Variants in ASPSCR1 observed in about 807,000 individuals in gnomAD.
The protein encoded by ASPSCR1 is tether containing UBX domain for GLUT4.
Under a neutral mutation model 68.9 loss-of-function variants are expected in ASPSCR1, and 55 were observed. The ratio of observed to expected loss-of-function variants is 0.80; its 90% CI spans 0.64 to 1.00. The LOEUF is 1.00. Ranked by LOEUF, ASPSCR1 falls within the 50% of genes least tolerant of loss-of-function variation. The pLI, the probability that ASPSCR1 is intolerant of heterozygous loss-of-function variation, is 0.00. For synonymous variants in ASPSCR1, 352 were observed against 332.6 expected (o/e 1.06, Z -0.63); for missense variants, 765 against 762.2 (o/e 1.00, Z -0.04).
At chr17:82,014,684 T>G in intron 12 of ASPSCR1, 2 of 241,344 alleles carry the variant, frequency 8.3e-6, no homozygotes, top group Non-Finnish European at 1.6e-5. Flanking sequence ...GCTGTTCTCG[T>G]TGGAGGGGGC....
chr17:82,017,165 G>A lies in ASPSCR1; in HGVS notation c.1648+52G>A, dbSNP rs767650904. On this transcript the variant is annotated intron_variant, in intron 15 of 15. Coordinates refer to ENST00000306739, the MANE Select transcript of ASPSCR1 (RefSeq NM_024083.4). ...TGCTGTGGCCGGGTGGAGGGCGGGG[G>A]TCCGGGTGCTGTGGCAGGGTCAGTG... is the stretch of plus-strand genomic sequence containing the variant. 6.4e-6 allele frequency: 10 copies of A among 1,566,912 alleles called. No homozygotes were observed. In the African/African-American group the frequency reaches 1.1e-4, roughly 17 times the overall value.
At chr17:82,014,279 T>A (rs2144102332) in intron 12 of ASPSCR1, 1 of 152,620 alleles carries the variant, frequency 6.6e-6, no homozygotes, top group Middle Eastern at 3.4e-3. Flanking sequence ...CCGGGGCCTC[T>A]CTGGGACCAA....
chr17:82,016,458 C>T lies in ASPSCR1; in HGVS notation c.1354-18C>T. 6.5e-7 allele frequency: 1 copy of T among 1,546,606 alleles called. No homozygotes were observed. The highest frequency in any genetic ancestry group is 8.7e-7 in the Non-Finnish European group (1 of 1,146,344). On this transcript the variant is annotated intron_variant, in intron 12 of 15. Coordinates refer to ENST00000306739, the MANE Select transcript of ASPSCR1 (RefSeq NM_024083.4). Reference sequence around the variant, plus strand: ...CTCTGCCCACACCCGGCCCCTGAGCCCCCCGCCCTCCCTGCAGGCGAACCT... The same window carrying T: ...CTCTGCCCACACCCGGCCCCTGAGCTCCCCGCCCTCCCTGCAGGCGAACCT...
chr17:81,977,802 A>G lies in ASPSCR1; in HGVS notation c.102+54A>G, dbSNP rs1184727332. 1 of 1,181,314 alleles carries G rather than the reference A, an allele frequency of 8.5e-7. No individual in the cohort carries two copies. Among genetic ancestry groups the G allele is most frequent in the East Asian group, 3.5e-5 (1 of 28,614 alleles). The allele number at this position is 1,181,314 out of a possible 1,614,324, so 73.2% of individuals were successfully genotyped here. A position where few individuals can be genotyped will look rare whatever the true frequency, so the allele number is the denominator to read the frequency against. On this transcript the variant is annotated intron_variant, in intron 1 of 15. Transcript: ENST00000306739. This position sits in a 1 kb window ranked among gnomAD's most constrained non-coding sequence, Gnocchi z 5.0. ...TAGGCGGGCGGGGGGCGCTGCGCCG[A>G]GGCCCCGCCCATTGCGGTCGGCGTC...
At chr17:81,992,124 A>G (rs1251886329) in intron 4 of ASPSCR1, among the ~76,000 whole-genome samples, 1 of 152,142 alleles carries the variant, frequency 6.6e-6, no homozygotes, top group Non-Finnish European at 1.5e-5. Flanking sequence ...GCCCCAAAGC[A>G]CTTCTTGCAT....
chr17:82,014,128 C>T (rs2043042593), intron 12 of ASPSCR1: 1 of 152,216 alleles, frequency 6.6e-6, no homozygotes. Context: ...CCTGGTTCCC[C>T]ACTCCCCAAG....
chr17:81,977,917 TGGGGTCCCGGGGGTCCCG>T lies in ASPSCR1; in HGVS notation c.102+179_102+196del, dbSNP rs574787640. On this transcript the variant is annotated intron_variant, in intron 1 of 15. Coordinates refer to ENST00000306739, the MANE Select transcript of ASPSCR1 (RefSeq NM_024083.4). The surrounding 1 kb of genome is among the most constrained non-coding windows in gnomAD (Gnocchi z 5.0). ...TGCTCGCCGTCACCTGCGCTTCCGC[TGGGGTCCCGGGGGTCCCG>T]GGGGTCCCGAGTGGGGGCGGGGCGG... The T allele has an allele frequency of 2.3e-6, 1 of 425,770 alleles. No individual in the cohort carries two copies. The highest frequency in any genetic ancestry group is 2.1e-5 in the African/African-American group (1 of 47,468). The allele number at this position is 425,770 out of a possible 1,614,324, so 26.4% of individuals were successfully genotyped here.
intron 7 of ASPSCR1, 35 bp downstream of exon 7, chr17:81,996,881 G>A: frequency 6.5e-7 from 1 of 1,544,826 alleles, no homozygotes; most frequent in Non-Finnish European, 8.7e-7. Flanking sequence ...ACTTGGGGGT[G>A]TCCTTTCTCC....
chr17:82,006,264 T>TGTGCGTGTCCTTGCGGGTGCAC (rs1304997100), intron 7 of ASPSCR1: 1 of 151,302 alleles, frequency 6.6e-6, no homozygotes, highest in Non-Finnish European at 1.5e-5. Flanking sequence ...TTGGGGGGCG[T>TGTGCGTGTCCTTGCGGGTGCAC]GTGCGTGTCC....
At position 82,009,560 on chromosome 17, in the gene ASPSCR1, A is replaced by G; in HGVS notation, c.1163A>G (p.Tyr388Cys). ...EAQIKEKLER[Y>C]PKVALRVLFP... ...CAGATAAAGGAGAAGCTGGAGCGCT[A>G]CCCAAAGGTCTGCAGACAGGATGTG... Residue 388 changes from tyrosine to cysteine, a missense_variant, in exon 9 of 16, where the codon TAC becomes TGC. Physicochemically the swap from Tyr to Cys is radical, Grantham distance 194 (BLOSUM62 -2). Transcript: ENST00000306739. The G allele has an allele frequency of 8.1e-7, 1 of 1,236,806 alleles. No homozygotes were observed. The highest frequency in any genetic ancestry group is 3.2e-5 in the African/African-American group (1 of 30,790). The allele number at this position is 1,236,806 out of a possible 1,614,324, so 76.6% of individuals were successfully genotyped here.
chr17:82,010,399 C>A (rs529325253), intron 9 of ASPSCR1, among the ~76,000 whole-genome samples: 1 of 151,686 alleles, frequency 6.6e-6, no homozygotes. Context: ...AGAGGTGGCG[C>A]ACGCCTGTAG....
In ASPSCR1 at chr17:81,983,696, T is replaced by G; in HGVS notation, c.273+28T>G. 4 of 1,555,504 alleles carry G rather than the reference T, an allele frequency of 2.6e-6. No individual in the cohort carries two copies. Among genetic ancestry groups the G allele is most frequent in the Non-Finnish European group, 3.5e-6 (4 of 1,137,188 alleles). On this transcript the variant is annotated intron_variant, in intron 3 of 15. Coordinates refer to ENST00000306739, the MANE Select transcript of ASPSCR1 (RefSeq NM_024083.4). This position sits in a 1 kb window ranked among gnomAD's most constrained non-coding sequence, Gnocchi z 4.4. ...GGGTCGTGCTCTGGGGGAGGCTGAC[T>G]GTGTGGGGCACAGGATCGTTCAGCT...
At position 81,983,992 on chromosome 17, in the gene ASPSCR1, C is replaced by G. The variant is rs1206496937; in HGVS notation, c.273+324C>G. Among the ~76,000 whole-genome samples, 1 of 151,802 alleles carries G rather than the reference C, an allele frequency of 6.6e-6. No homozygotes were observed. Among genetic ancestry groups the G allele is most frequent in the Non-Finnish European group, 1.5e-5 (1 of 67,962 alleles). The stretch of plus-strand genomic sequence containing the variant: ...GCCTCAGCCTCCCGAGTAGCTAGGA[C>G]TACAGGTGCCCGCCACCACACCCGG... On this transcript the variant is annotated intron_variant, in intron 3 of 15. Coordinates refer to ENST00000306739, the MANE Select transcript of ASPSCR1 (RefSeq NM_024083.4). This position sits in a 1 kb window ranked among gnomAD's most constrained non-coding sequence, Gnocchi z 4.4.
At chr17:81,995,560 C>T (rs1158854450) in intron 5 of ASPSCR1, 4 of 337,652 alleles carry the variant, frequency 1.2e-5, no homozygotes, top group Admixed American at 4.6e-5. Flanking sequence ...TCAGAGTTAG[C>T]GTATGGGACG....
intron 12 of ASPSCR1, chr17:82,013,405 ACCAGCCACCGTCTCCTG>A (rs1245089213): frequency 3.3e-5 from 5 of 152,024 alleles, no homozygotes; most frequent in Non-Finnish European, 7.4e-5. Flanking sequence ...TGGCTTCCCT[ACCAGCCACCGTCTCCTG>A]CCCTCCATCA....
chr17:81,984,995 C>T (rs1344572774), intron 3 of ASPSCR1, among the ~76,000 whole-genome samples: 2 of 105,562 alleles, frequency 1.9e-5, no homozygotes, highest in Admixed American at 1.8e-4. Flanking sequence ...TGCGTGCACA[C>T]CCCCCCACAC....
chr17:81,989,671 G>A (rs1024296414), intron 4 of ASPSCR1, among the ~76,000 whole-genome samples: 6 of 152,272 alleles, frequency 3.9e-5, no homozygotes, highest in Non-Finnish European at 7.4e-5. Context: ...TCCTTGGATG[G>A]ACACTGCCAC....
rs1022280604 is a variant in ASPSCR1, at chr17:81,991,761, C to A, written c.375-3060C>A. On this transcript the variant is annotated intron_variant, in intron 4 of 15. Coordinates refer to ENST00000306739, the MANE Select transcript of ASPSCR1 (RefSeq NM_024083.4). ...GCGGGCCTCCCTGAGCCCAGTGGCTCCTGGCCTGCAGCCACAGCTTCTGTT... is the reference window on the plus strand; with the variant it reads ...GCGGGCCTCCCTGAGCCCAGTGGCTACTGGCCTGCAGCCACAGCTTCTGTT... 2.0e-5 allele frequency among the ~76,000 whole-genome samples: 3 copies of A among 152,348 alleles called. No individual in the cohort carries two copies. In the South Asian group the frequency reaches 6.2e-4, roughly 32 times the overall value.
At chr17:82,002,947 TC>T (rs1462549035) in intron 7 of ASPSCR1, among the ~76,000 whole-genome samples, 2 of 152,032 alleles carry the variant, frequency 1.3e-5, no homozygotes, top group African/African-American at 4.8e-5. Flanking sequence ...CGATCTCTGC[TC>T]ACTGCAACCT....
Sources: gnomAD v4.1 joint callset for allele counts (sites outside exome capture counted in the v4.1 genomes callset) on GRCh38, gnomAD v4.1.1 for gene constraint, Gnocchi (gnomAD v3.1) non-coding constraint, MANE v1.5 for transcripts, NCBI Gene and HGNC (gene_info 2026-07-23, HGNC 2026-07-21) for gene names.